The following ROBO1 variants were observed in gnomAD, a reference collection of about 807,000 sequenced individuals.
ROBO1 encodes the protein roundabout guidance receptor 1.
In ROBO1, 149 loss-of-function variants were observed where a neutral mutation model predicts 195.9. The ratio of observed to expected loss-of-function variants is 0.76; its 90% CI spans 0.67 to 0.87. The LOEUF is 0.87. ROBO1 is among the 40% of genes least tolerant of loss of function. The probability of loss-of-function intolerance (pLI) is 0.00; values close to 1 mark genes in which losing one functional copy is unlikely to be tolerated. For missense variants in ROBO1, 1,933 were observed against 2,068.3 expected, an observed-to-expected ratio of 0.93 and a Z score of 1.27; for synonymous variants, 816 against 733.2, an observed-to-expected ratio of 1.11 and a Z score of -1.82.
chr3:78,960,779 AACACACACACACACACACAC>A (rs751349324), intron 3 of ROBO1, among the ~76,000 whole-genome samples: 1,780 of 124,592 alleles, frequency 0.014, 11 homozygotes, highest in Non-Finnish European at 0.021. Flanking sequence ...TCCGTATTAA[AACACACACACACACACACAC>A]ACACACACAC....
rs114127697 is a variant in ROBO1 at position 79,217,395 on chromosome 3, G to C, written c.89-91856C>G. On this transcript the variant is annotated intron_variant, in intron 2 of 30. Transcript: ENST00000464233. ...AGAAAAAAAAATCAGCAAAGTCTTT[G>C]ACTGTCATATCTCAAGCTTGACATT... Among the ~76,000 whole-genome samples the C allele has an allele frequency of 8.4e-3, 1,280 of 152,020 alleles. 11 individuals are homozygous for C. Among genetic ancestry groups the C allele is most frequent in the African/African-American group, 0.029 (1,215 of 41,502 alleles).
At chr3:79,582,585 G>A (rs1327730874) in intron 2 of ROBO1, among the ~76,000 whole-genome samples, 2 of 151,940 alleles carry the variant, frequency 1.3e-5, no homozygotes, top group Admixed American at 6.6e-5. Context: ...ATTAATAAAT[G>A]AGAATAGATA....
chr3:79,731,623 C>T (rs1000173318), intron 1 of ROBO1, among the ~76,000 whole-genome samples: 1 of 152,052 alleles, frequency 6.6e-6, no homozygotes, highest in South Asian at 2.1e-4. Context: ...AAAAGCATTA[C>T]ATATTGAGTA....
At chr3:78,947,753 C>A (rs142733960) in intron 3 of ROBO1, among the ~76,000 whole-genome samples, 5,990 of 151,974 alleles carry the variant, frequency 0.039, 153 homozygotes, top group Non-Finnish European at 0.063. Flanking sequence ...TTGAAAAGAT[C>A]AACAAAACTG....
intron 24 of ROBO1, among the ~76,000 whole-genome samples, chr3:78,631,843 A>G (rs1052362781): frequency 6.6e-6 from 1 of 152,218 alleles, no homozygotes; most frequent in African/African-American, 2.4e-5. Flanking sequence ...ACTAATGACA[A>G]AAGAAGCAGA....
intron 2 of ROBO1, among the ~76,000 whole-genome samples, chr3:79,266,006 T>C (rs1413274928): frequency 1.3e-5 from 2 of 151,604 alleles, no homozygotes; most frequent in African/African-American, 2.4e-5. Context: ...ACATTAGTAA[T>C]GAGTACATAA....
intron 2 of ROBO1, among the ~76,000 whole-genome samples, chr3:79,553,891 T>C (rs2107683190): frequency 6.6e-6 from 1 of 152,206 alleles, no homozygotes; most frequent in Admixed American, 6.5e-5. Context: ...AAATTAGTTC[T>C]TATTCCATGT....
At chr3:79,108,687 T>C (rs1308284620) in intron 3 of ROBO1, among the ~76,000 whole-genome samples, 2 of 151,790 alleles carry the variant, frequency 1.3e-5, no homozygotes, top group Admixed American at 6.6e-5. Context: ...ACTCTGGTTG[T>C]CTTAGAGTAA....
At position 78,885,412 on chromosome 3, in the gene ROBO1, T is replaced by TAAAAAA. The variant is rs59912706; in HGVS notation, c.499+53183_499+53188dup. On this transcript the variant is annotated intron_variant, in intron 4 of 30. Coordinates refer to ENST00000464233, the MANE Select transcript of ROBO1 (RefSeq NM_002941.4). ...GCACTTGTAACCCTGAATTTAAAAC[T>TAAAAAA]AAAAAAAAAAAAAAAAAAAAAAAAA... Among the ~76,000 whole-genome samples, 102 of 53,714 alleles carry TAAAAAA rather than the reference T, an allele frequency of 1.9e-3. 1 individual carries two copies. The highest frequency in any genetic ancestry group is 3.2e-3 in the East Asian group (4 of 1,242). The allele number at this position is 53,714 out of a possible 152,430, so 35.2% of individuals were successfully genotyped here. A position where few individuals can be genotyped will look rare whatever the true frequency, so the allele number is the denominator to read the frequency against.
intron 1 of ROBO1, among the ~76,000 whole-genome samples, chr3:79,666,734 T>C (rs977649053): frequency 1.3e-5 from 2 of 151,976 alleles, no homozygotes; most frequent in African/African-American, 4.8e-5. Flanking sequence ...TCTTTTTCTT[T>C]ATAAATTACC....
chr3:79,242,855 A>C (rs910577285), intron 2 of ROBO1, among the ~76,000 whole-genome samples: 27 of 152,068 alleles, frequency 1.8e-4, no homozygotes, highest in African/African-American at 6.0e-4. Flanking sequence ...ATTATACTTT[A>C]AGTTTTAGGG....
chr3:79,377,617 C>G (rs556193918), intron 2 of ROBO1, among the ~76,000 whole-genome samples: 1 of 152,220 alleles, frequency 6.6e-6, no homozygotes, highest in Non-Finnish European at 1.5e-5. Flanking sequence ...TGTTTATCCT[C>G]TTCATTATAC....
intron 2 of ROBO1, among the ~76,000 whole-genome samples, chr3:79,466,904 A>T (rs1937990827): frequency 6.6e-6 from 1 of 152,170 alleles, no homozygotes; most frequent in African/African-American, 2.4e-5. Flanking sequence ...TATCCAGAGG[A>T]AGCTTGGTCA....
chr3:78,795,071 T>C (rs549205938), intron 4 of ROBO1, among the ~76,000 whole-genome samples: 188 of 152,272 alleles, frequency 1.2e-3, no homozygotes, highest in Non-Finnish European at 2.2e-3. Context: ...AAGTTATTGA[T>C]ATATCACTGA....
At chr3:79,248,182 C>T (rs999885390) in intron 2 of ROBO1, among the ~76,000 whole-genome samples, 32 of 151,744 alleles carry the variant, frequency 2.1e-4, no homozygotes, top group African/African-American at 7.7e-4. Context: ...AAAGTATTTC[C>T]AGCCACTCTT....
intron 2 of ROBO1, among the ~76,000 whole-genome samples, chr3:79,277,003 T>C (rs987175609): frequency 1.3e-5 from 2 of 152,046 alleles, no homozygotes; most frequent in Non-Finnish European, 2.9e-5. Context: ...AAGGGAATCC[T>C]TGTACACCAT....
At chr3:78,956,430 G>A (rs925524318) in intron 3 of ROBO1, among the ~76,000 whole-genome samples, 1 of 152,050 alleles carries the variant, frequency 6.6e-6, no homozygotes, top group Non-Finnish European at 1.5e-5. Context: ...ACTATCTTGA[G>A]AGTGGTGTAA....
chr3:79,141,480 G>GA (rs1559689340), intron 2 of ROBO1, among the ~76,000 whole-genome samples: 1 of 152,022 alleles, frequency 6.6e-6, no homozygotes, highest in African/African-American at 2.4e-5. Context: ...TCGAGGACCA[G>GA]AAAGCGCAGT....
intron 4 of ROBO1, among the ~76,000 whole-genome samples, chr3:78,869,581 C>G (rs1362991963): frequency 6.6e-6 from 1 of 152,098 alleles, no homozygotes; most frequent in African/African-American, 2.4e-5. Flanking sequence ...CCTTAGCCTC[C>G]TGAGTAGCTG....
Sources: gnomAD v4.1 joint callset for allele counts (sites outside exome capture counted in the v4.1 genomes callset) on GRCh38, gnomAD v4.1.1 for gene constraint, MANE v1.5 for transcripts, NCBI Gene and HGNC (gene_info 2026-07-23, HGNC 2026-07-21) for gene names.